Variants in KALRN observed in about 807,000 individuals in gnomAD.
KALRN encodes kalirin RhoGEF kinase.
In KALRN, 70 loss-of-function variants were observed where a neutral mutation model predicts 353.7. The ratio of observed to expected loss-of-function variants is 0.20; its 90% confidence interval spans 0.16 to 0.24. The LOEUF (loss-of-function observed/expected upper bound fraction) is 0.24. KALRN is among the 10% of genes least tolerant of loss of function. The pLI is 1.00. For missense variants in KALRN, 2,791 were observed against 3,756.7 expected, an observed-to-expected ratio of 0.74 and a Z score of 6.72; for synonymous variants, 1,391 against 1,434.8, an observed-to-expected ratio of 0.97 and a Z score of 0.69.
intron 1 of KALRN, among the ~76,000 whole-genome samples, chr3:124,089,162 T>C (rs942228269): frequency 5.3e-5 from 8 of 152,276 alleles, no homozygotes; most frequent in Non-Finnish European, 1.2e-4. Flanking sequence ...GGTTTCCTTT[T>C]GATATGGTTG....
In KALRN at chr3:124,286,140, C is replaced by CTTTCT. The variant is rs1560463702; in HGVS notation, c.970-12648_970-12644dup. ...CTTTCTTTCTTTCTTTCTTTCTTTC[C>CTTTCT]TTTCTTTCTTTCCTTTCTTTCGTCT... On this transcript the variant is annotated intron_variant, in intron 5 of 59. Coordinates refer to ENST00000682506, the MANE Select transcript of KALRN (RefSeq NM_001388419.1). Among the ~76,000 whole-genome samples the CTTTCT allele has an allele frequency of 5.2e-4, 14 of 26,856 alleles. No homozygotes were observed. The East Asian group carries it at 0.011, about 21-fold the overall frequency. The allele number at this position is 26,856 out of a possible 152,430, so 17.6% of individuals were successfully genotyped here.
intron 33 of KALRN, among the ~76,000 whole-genome samples, chr3:124,553,017 C>T (rs1017389369): frequency 1.3e-5 from 2 of 152,184 alleles, no homozygotes; most frequent in Admixed American, 6.5e-5. Context: ...CTGCCTACCT[C>T]GGCCTCCTGA....
At position 124,674,366 on chromosome 3, in the gene KALRN, C is replaced by T. The variant is rs565585638; in HGVS notation, c.6945C>T (p.Asn2315=). The T allele has an allele frequency of 3.4e-5, 55 of 1,611,668 alleles. No individual in the cohort carries two copies. The highest frequency in any genetic ancestry group is 5.5e-5 in the South Asian group (5 of 90,596). The part of the protein sequence containing the change: ...QPGDKFEASK[N]DLGGCNGTSS... ...CTCTCACCCTTATCTCCCAGCAGAA[C>T]GACCTGGGAGGCTGCAATGGGACCT... Residue 2315 remains asparagine (N), a splice_region_variant and synonymous_variant, in exon 49 of 60, where the codon AAC becomes AAT. Transcript: ENST00000682506.
intron 10 of KALRN, among the ~76,000 whole-genome samples, chr3:124,379,866 T>C (rs552610568): frequency 6.6e-6 from 1 of 152,236 alleles, no homozygotes; most frequent in Non-Finnish European, 1.5e-5. Flanking sequence ...TTGGGTGTTA[T>C]CTTGATTGCT....
intron 34 of KALRN, among the ~76,000 whole-genome samples, chr3:124,619,482 CTTTTTT>C (rs59009780): frequency 4.8e-5 from 5 of 104,646 alleles, no homozygotes; most frequent in Middle Eastern, 6.5e-3. Flanking sequence ...TATTTTCCTT[CTTTTTT>C]TTTTTTTTTT....
chr3:124,204,306 A>T (rs1269355185), intron 1 of KALRN, among the ~76,000 whole-genome samples: 1 of 152,246 alleles, frequency 6.6e-6, no homozygotes, highest in Non-Finnish European at 1.5e-5. Context: ...ATAAATGTAG[A>T]TACCAAATTT....
At chr3:124,486,476 A>G (rs2062583726) in intron 28 of KALRN, among the ~76,000 whole-genome samples, 1 of 152,224 alleles carries the variant, frequency 6.6e-6, no homozygotes, top group Non-Finnish European at 1.5e-5. Flanking sequence ...CCAAGGGCAA[A>G]GCTGAGCACT....
At chr3:124,256,968 G>A (rs897867224) in intron 3 of KALRN, among the ~76,000 whole-genome samples, 4 of 152,206 alleles carry the variant, frequency 2.6e-5, no homozygotes, top group Non-Finnish European at 5.9e-5. Flanking sequence ...TAGGCCAAGA[G>A]GAGGAGCTCA....
At chr3:124,156,838 A>G (rs1049069735) in intron 1 of KALRN, among the ~76,000 whole-genome samples, 1 of 152,218 alleles carries the variant, frequency 6.6e-6, no homozygotes, top group African/African-American at 2.4e-5. Context: ...TATTTTCATC[A>G]GGAAAGAGTC....
chr3:124,457,791 T>C (rs1310563546), intron 23 of KALRN, among the ~76,000 whole-genome samples: 3 of 152,178 alleles, frequency 2.0e-5, no homozygotes, highest in African/African-American at 7.2e-5. Flanking sequence ...CCATTATGTC[T>C]CTCACCAGCT....
At chr3:124,557,637 A>G (rs909053479) in intron 33 of KALRN, among the ~76,000 whole-genome samples, 1 of 152,194 alleles carries the variant, frequency 6.6e-6, no homozygotes, top group Non-Finnish European at 1.5e-5. Flanking sequence ...GAGGCTGTTC[A>G]TATGTAGATG....
chr3:124,210,034 A>C (rs959276546), intron 1 of KALRN, among the ~76,000 whole-genome samples: 2 of 152,190 alleles, frequency 1.3e-5, no homozygotes, highest in Non-Finnish European at 2.9e-5. Context: ...GTTTGGAGTG[A>C]AAGAGTTGTA....
intron 1 of KALRN, chr3:124,080,035 G>A: frequency 2.1e-6 from 1 of 471,082 alleles, no homozygotes; most frequent in Non-Finnish European, 4.4e-6. Context: ...TGCATTCTAT[G>A]TTGCCAGTGT....
chr3:124,376,785 T>C lies in KALRN; in HGVS notation c.1771-8060T>C, dbSNP rs76990811. On this transcript the variant is annotated intron_variant, in intron 10 of 59. Coordinates refer to ENST00000682506, the MANE Select transcript of KALRN (RefSeq NM_001388419.1). Reference sequence around the variant, plus strand: ...CAGAGTTTTTGGGTTGAGTGACTATTGAAAGGAGAGCACTATGCCCACTAG... The same window carrying C: ...CAGAGTTTTTGGGTTGAGTGACTATCGAAAGGAGAGCACTATGCCCACTAG... Among the ~76,000 whole-genome samples, 1,031 of 152,244 alleles carry C rather than the reference T, an allele frequency of 6.8e-3. 10 individuals carry two copies. Among genetic ancestry groups the C allele is most frequent in the African/African-American group, 0.024 (987 of 41,544 alleles).
chr3:124,321,708 C>G (rs2079359093), intron 6 of KALRN, among the ~76,000 whole-genome samples: 1 of 152,156 alleles, frequency 6.6e-6, no homozygotes. Flanking sequence ...TGTCAATATA[C>G]ACGGTTTTTG....
At chr3:124,521,455 T>A (rs564209226) in intron 33 of KALRN, among the ~76,000 whole-genome samples, 12 of 152,236 alleles carry the variant, frequency 7.9e-5, no homozygotes, top group African/African-American at 2.9e-4. Flanking sequence ...ATGTAGCAAG[T>A]TAGGGCCAGA....
At chr3:124,175,871 ACT>A (rs1447687969) in intron 1 of KALRN, among the ~76,000 whole-genome samples, 6 of 152,030 alleles carry the variant, frequency 3.9e-5, no homozygotes, top group Non-Finnish European at 8.8e-5. Context: ...CCTCTCTGAG[ACT>A]CTATGTGAAT....
chr3:124,124,420 T>C (rs1172744128), intron 1 of KALRN, among the ~76,000 whole-genome samples: 3 of 152,216 alleles, frequency 2.0e-5, no homozygotes, highest in African/African-American at 7.2e-5. Context: ...AAGTGGTTTC[T>C]TGAGATAGAA....
intron 1 of KALRN, among the ~76,000 whole-genome samples, chr3:124,190,564 A>G (rs934547248): frequency 6.6e-6 from 1 of 152,216 alleles, no homozygotes; most frequent in Admixed American, 6.5e-5. Flanking sequence ...GCAAGAATTC[A>G]GGCAGAGCAC....
Sources: allele counts gnomAD v4.1 joint callset (sites outside exome capture counted in the v4.1 genomes callset), GRCh38; gene constraint gnomAD v4.1.1; transcripts MANE v1.5; gene names NCBI Gene and HGNC (gene_info 2026-07-23, HGNC 2026-07-21).